The following PPP2R2B variants were observed in gnomAD, a reference collection of about 807,000 sequenced individuals.
PPP2R2B encodes the protein serine/threonine-protein phosphatase 2A 55 kDa regulatory subunit B beta isoform.
Under a neutral mutation model 46.0 loss-of-function variants are expected in PPP2R2B, and 5 were observed. The ratio of observed to expected loss-of-function variants is 0.11; its 90% CI spans 0.06 to 0.23. The LOEUF (loss-of-function observed/expected upper bound fraction) is 0.23. PPP2R2B is among the 10% of genes least tolerant of loss of function. The pLI is 1.00. For synonymous variants in PPP2R2B, 215 were observed against 206.7 expected, an observed-to-expected ratio of 1.04 and a Z score of -0.34; for missense variants, 367 against 575.0, an observed-to-expected ratio of 0.64 and a Z score of 3.70.
chr5:146,703,900 C>A (rs957937121), intron 2 of PPP2R2B, among the ~76,000 whole-genome samples: 1 of 152,182 alleles, frequency 6.6e-6, no homozygotes, highest in Non-Finnish European at 1.5e-5. Flanking sequence ...ATTTGCATGG[C>A]AGGATTCTGA....
At chr5:146,842,936 C>T (rs1236536819) in intron 2 of PPP2R2B, among the ~76,000 whole-genome samples, 1 of 152,226 alleles carries the variant, frequency 6.6e-6, no homozygotes, top group Admixed American at 6.5e-5. Context: ...CGCCTGTAAT[C>T]CCAGAACTTT....
intron 2 of PPP2R2B, among the ~76,000 whole-genome samples, chr5:146,792,839 C>T (rs971165476): frequency 1.3e-5 from 2 of 152,134 alleles, no homozygotes; most frequent in African/African-American, 4.8e-5. Context: ...AACCGAAGGA[C>T]AGATGATGTA....
At chr5:146,822,985 CTT>C (rs1459415826) in intron 2 of PPP2R2B, among the ~76,000 whole-genome samples, 2 of 152,092 alleles carry the variant, frequency 1.3e-5, no homozygotes, top group African/African-American at 4.8e-5. Context: ...GAAAAAAAGA[CTT>C]TTGTTTTTCT....
chr5:147,054,769 C>T (rs756720569), intron 1 of PPP2R2B: 2 of 447,538 alleles, frequency 4.5e-6, no homozygotes, highest in Non-Finnish European at 9.0e-6. Flanking sequence ...GCATCCTCAA[C>T]CCTTTTCAAT....
intron 2 of PPP2R2B, among the ~76,000 whole-genome samples, chr5:146,701,964 A>C (rs1779566096): frequency 6.6e-6 from 1 of 151,400 alleles, no homozygotes; most frequent in Non-Finnish European, 1.5e-5. Flanking sequence ...TGGATTTATT[A>C]GGGCTATTTT....
intron 1 of PPP2R2B, among the ~76,000 whole-genome samples, chr5:147,009,387 C>A (rs1363428886): frequency 6.6e-6 from 1 of 152,024 alleles, no homozygotes; most frequent in Admixed American, 6.6e-5. Context: ...ACTTTAAATC[C>A]TTGTATGAAT....
intron 5 of PPP2R2B, among the ~76,000 whole-genome samples, chr5:146,687,703 G>C (rs1778596626): frequency 6.6e-6 from 1 of 152,080 alleles, no homozygotes; most frequent in Non-Finnish European, 1.5e-5. Flanking sequence ...TGCTTCTCAT[G>C]GGCTCTTTTG....
chr5:146,974,661 T>TA (rs1241093251), intron 1 of PPP2R2B, among the ~76,000 whole-genome samples: 5 of 151,646 alleles, frequency 3.3e-5, no homozygotes, highest in African/African-American at 9.7e-5. Flanking sequence ...AAGTATAATT[T>TA]AAAAAAATGT....
intron 1 of PPP2R2B, among the ~76,000 whole-genome samples, chr5:146,960,766 G>A (rs1278515917): frequency 6.6e-6 from 1 of 152,052 alleles, no homozygotes; most frequent in Admixed American, 6.6e-5. Flanking sequence ...CATATTTGAG[G>A]AAAAGTAGTA....
chr5:147,000,077 T>G (rs999823464), intron 1 of PPP2R2B, among the ~76,000 whole-genome samples: 2 of 152,134 alleles, frequency 1.3e-5, no homozygotes, highest in African/African-American at 4.8e-5. Context: ...GATGGTGACT[T>G]TAACAGACAG....
intron 5 of PPP2R2B, among the ~76,000 whole-genome samples, chr5:146,666,174 C>T (rs1467416921): frequency 6.6e-6 from 1 of 152,054 alleles, no homozygotes; most frequent in Non-Finnish European, 1.5e-5. Flanking sequence ...GTAAATTGGC[C>T]TGGAGGGATG....
chr5:146,967,083 C>T (rs1752451655), intron 1 of PPP2R2B, among the ~76,000 whole-genome samples: 1 of 152,154 alleles, frequency 6.6e-6, no homozygotes, highest in African/African-American at 2.4e-5. Flanking sequence ...TGCTGAAAGT[C>T]ACTCAGTTCA....
intron 2 of PPP2R2B, among the ~76,000 whole-genome samples, chr5:146,783,060 T>A (rs1755632782): frequency 6.6e-6 from 1 of 152,186 alleles, no homozygotes; most frequent in Non-Finnish European, 1.5e-5. Flanking sequence ...GGAAGAGTTT[T>A]TAAGAATATT....
chr5:146,872,560 C>A (rs1761676278), intron 2 of PPP2R2B, among the ~76,000 whole-genome samples: 1 of 152,108 alleles, frequency 6.6e-6, no homozygotes, highest in South Asian at 2.1e-4. Context: ...TTATAAGTTT[C>A]CCCTTTCTTG....
At chr5:146,755,015 T>C (rs953538509) in intron 2 of PPP2R2B, among the ~76,000 whole-genome samples, 4 of 152,342 alleles carry the variant, frequency 2.6e-5, no homozygotes, top group Admixed American at 1.3e-4. Context: ...CAAGTCACTG[T>C]TCATGGCAGC....
intron 2 of PPP2R2B, among the ~76,000 whole-genome samples, chr5:146,801,794 A>G (rs1224157782): frequency 6.6e-6 from 1 of 152,236 alleles, no homozygotes; most frequent in African/African-American, 2.4e-5. Flanking sequence ...CACTTAATAA[A>G]TGCTGGCTAT....
rs148653672 is a variant in PPP2R2B at position 146,918,817 on chromosome 5, C to T, written c.79+136848G>A. On this transcript the variant is annotated intron_variant, in intron 1 of 8. Coordinates refer to the PPP2R2B transcript ENST00000336640. The stretch of plus-strand genomic sequence containing the variant: ...CTTACTATTTTTTTTCCTGAAGAGG[C>T]TATCTCCAGTTTTCCCTGTTGTTTG... 6.5e-3 allele frequency among the ~76,000 whole-genome samples: 983 copies of T among 152,266 alleles called. 11 individuals are homozygous for T. Among genetic ancestry groups the T allele is most frequent in the African/African-American group, 0.023 (937 of 41,548 alleles).
chr5:146,936,471 GAAAA>G (rs35203174), intron 1 of PPP2R2B, among the ~76,000 whole-genome samples: 3 of 84,492 alleles, frequency 3.6e-5, no homozygotes, highest in African/African-American at 1.1e-4. Context: ...AGCAGGAAAA[GAAAA>G]AAAAAAAAAA....
intron 1 of PPP2R2B, among the ~76,000 whole-genome samples, chr5:146,969,533 C>A (rs906987835): frequency 8.5e-5 from 13 of 152,108 alleles, no homozygotes; most frequent in Non-Finnish European, 5.9e-5. Flanking sequence ...CAGATCATTC[C>A]GCCTGTGGTA....
Sources: allele counts gnomAD v4.1 joint callset (sites outside exome capture counted in the v4.1 genomes callset), GRCh38; gene constraint gnomAD v4.1.1; transcripts MANE v1.5; gene names NCBI Gene and HGNC (gene_info 2026-07-23, HGNC 2026-07-21).